The following WDFY2 variants were observed in gnomAD, a reference collection of about 807,000 sequenced individuals.
WDFY2 encodes the protein WD repeat and FYVE domain-containing protein 2.
Under a neutral mutation model 56.4 loss-of-function variants are expected in WDFY2, and 36 were observed. The ratio of observed to expected loss-of-function variants is 0.64; its 90% CI spans 0.49 to 0.84. The LOEUF is 0.84. Ranked by LOEUF, WDFY2 falls within the 40% of genes least tolerant of loss-of-function variation. The pLI, the probability that WDFY2 is intolerant of heterozygous loss-of-function variation, is 0.00. For synonymous variants in WDFY2, 176 were observed against 183.7 expected (o/e 0.96, Z 0.34); for missense variants, 444 against 512.2 (o/e 0.87, Z 1.29).
intron 1 of WDFY2, among the ~76,000 whole-genome samples, chr13:51,605,605 G>T (rs1168069976): frequency 1.3e-5 from 2 of 152,100 alleles, no homozygotes; most frequent in East Asian, 3.8e-4. Flanking sequence ...GAATGTGAAA[G>T]AAATAATTTT....
intron 2 of WDFY2, among the ~76,000 whole-genome samples, chr13:51,667,869 T>C (rs1362237480): frequency 6.9e-6 from 1 of 145,064 alleles, no homozygotes; most frequent in Admixed American, 6.9e-5. Flanking sequence ...AAAAGGTACC[T>C]GAGGAACTTC....
chr13:51,680,838 C>A (rs1458834062), intron 3 of WDFY2, among the ~76,000 whole-genome samples: 1 of 152,088 alleles, frequency 6.6e-6, no homozygotes, highest in African/African-American at 2.4e-5. Context: ...TTCCCTGAGC[C>A]CTAGACAAAT....
intron 1 of WDFY2, among the ~76,000 whole-genome samples, chr13:51,610,183 T>A: frequency 6.6e-6 from 1 of 151,862 alleles, no homozygotes. Context: ...GGAATGCCTT[T>A]TGAGTTGGAC....
chr13:51,707,977 C>G (rs1422695213), intron 4 of WDFY2, among the ~76,000 whole-genome samples: 1 of 64,870 alleles, frequency 1.5e-5, no homozygotes, highest in African/African-American at 7.2e-5. Flanking sequence ...TTTTTGGAGA[C>G]TGAGTCTTGC....
At chr13:51,723,949 C>A (rs1242486506) in intron 5 of WDFY2, among the ~76,000 whole-genome samples, 1 of 152,090 alleles carries the variant, frequency 6.6e-6, no homozygotes, top group Non-Finnish European at 1.5e-5. Context: ...TATTTGGTTA[C>A]CCTGAAATAC....
intron 1 of WDFY2, among the ~76,000 whole-genome samples, chr13:51,629,826 C>CTTTTTTTTTTTTTTTTTTT (rs11432630): frequency 5.8e-4 from 73 of 124,992 alleles, no homozygotes; most frequent in African/African-American, 7.2e-4. Context: ...TCTTTCTTTT[C>CTTTTTTTTTTTTTTTTTTT]TTTTTTTTTT....
At chr13:51,677,416 T>C (rs1430646936) in intron 3 of WDFY2, among the ~76,000 whole-genome samples, 1 of 152,222 alleles carries the variant, frequency 6.6e-6, no homozygotes, top group Non-Finnish European at 1.5e-5. Flanking sequence ...AGGATTCACA[T>C]TGATCACTGC....
intron 4 of WDFY2, among the ~76,000 whole-genome samples, chr13:51,708,100 C>T (rs2138595341): frequency 6.6e-6 from 1 of 151,674 alleles, no homozygotes; most frequent in South Asian, 2.1e-4. Flanking sequence ...CACCCGCCAC[C>T]ACACCCAGCT....
chr13:51,675,270 G>A, intron 3 of WDFY2, 27 bp downstream of exon 3: 3 of 1,582,804 alleles, frequency 1.9e-6, no homozygotes, highest in Non-Finnish European at 2.6e-6. Context: ...AAGATTTCCA[G>A]TTGAAATACT....
intron 1 of WDFY2, among the ~76,000 whole-genome samples, chr13:51,585,761 G>T (rs1212570820): frequency 1.3e-5 from 2 of 152,124 alleles, no homozygotes; most frequent in Non-Finnish European, 2.9e-5. Context: ...ACAGTAAGTA[G>T]GTTTTCTTAA....
chr13:51,641,723 G>A (rs886806903), intron 1 of WDFY2, among the ~76,000 whole-genome samples: 2 of 149,026 alleles, frequency 1.3e-5, no homozygotes, highest in Admixed American at 1.3e-4. Flanking sequence ...CTACTTGGGA[G>A]GCTGAGGCAG....
intron 1 of WDFY2, among the ~76,000 whole-genome samples, chr13:51,621,723 T>C (rs1954730222): frequency 6.6e-6 from 1 of 152,192 alleles, no homozygotes; most frequent in Non-Finnish European, 1.5e-5. Context: ...AGATTCGTCC[T>C]TTTGGGTTCC....
At chr13:51,690,026 TA>T (rs1428317642) in intron 3 of WDFY2, among the ~76,000 whole-genome samples, 1 of 152,134 alleles carries the variant, frequency 6.6e-6, no homozygotes, top group East Asian at 1.9e-4. Flanking sequence ...TGAGATTTGC[TA>T]AAATGGAAAA....
In WDFY2 at chr13:51,765,554, G is replaced by A. The variant is rs1218364323; in HGVS notation, c.*5785G>A. ...TTCTTAAAGTCCCTTCCAATCCTGT[G>A]ATTCTCTGATTCCCTGAGTCTCGTT... On this transcript the variant is annotated 3_prime_UTR_variant, in exon 12 of 12. Transcript: ENST00000298125. 1 of 152,204 alleles carries A rather than the reference G, an allele frequency of 6.6e-6. No homozygotes were observed. 9.4% of individuals were successfully genotyped at this position (152,204 alleles called of 1,614,324 possible). A position where few individuals can be genotyped will look rare whatever the true frequency, so the allele number is the denominator to read the frequency against.
At chr13:51,659,062 G>C (rs1380436783) in intron 1 of WDFY2, among the ~76,000 whole-genome samples, 1 of 152,006 alleles carries the variant, frequency 6.6e-6, no homozygotes, top group Admixed American at 6.6e-5. Context: ...GAGTAGCTGG[G>C]ATTATGGGCG....
At chr13:51,644,271 C>G (rs1379039561) in intron 1 of WDFY2, among the ~76,000 whole-genome samples, 1 of 152,202 alleles carries the variant, frequency 6.6e-6, no homozygotes, top group Admixed American at 6.5e-5. Context: ...TGTAAGAAAA[C>G]TACTCCGAAT....
chr13:51,685,521 T>TA lies in WDFY2; in HGVS notation c.279+10279dup, dbSNP rs1956046380. ...TTATATTTATTATATACTATAGTCT[T>TA]ACAATAAAGTAAGCTGAAGAAAAGA... On this transcript the variant is annotated intron_variant, in intron 3 of 11. Transcript: ENST00000298125. 2.0e-5 allele frequency among the ~76,000 whole-genome samples: 3 copies of TA among 152,286 alleles called. No individual in the cohort carries two copies. In the East Asian group the frequency reaches 5.8e-4, roughly 29 times the overall value.
intron 1 of WDFY2, among the ~76,000 whole-genome samples, chr13:51,654,718 T>A (rs1008592010): frequency 6.6e-6 from 1 of 152,220 alleles, no homozygotes; most frequent in Non-Finnish European, 1.5e-5. Context: ...TATAGTAAAA[T>A]TCACATTCAT....
intron 5 of WDFY2, among the ~76,000 whole-genome samples, chr13:51,723,506 GT>G (rs1435388025): frequency 6.6e-6 from 1 of 152,062 alleles, no homozygotes; most frequent in African/African-American, 2.4e-5. Context: ...TACTGAATCA[GT>G]TCTCCTGCAC....
Sources: allele counts gnomAD v4.1 joint callset (sites outside exome capture counted in the v4.1 genomes callset), GRCh38; gene constraint gnomAD v4.1.1; transcripts MANE v1.5; gene names NCBI Gene and HGNC (gene_info 2026-07-23, HGNC 2026-07-21).